GRIN2A: variants seen among roughly 807,000 people sequenced by gnomAD.
GRIN2A encodes glutamate receptor ionotropic, NMDA 2A.
In GRIN2A, 22 loss-of-function variants were observed where a neutral mutation model predicts 113.4. The ratio of observed to expected loss-of-function variants is 0.19; its 90% CI spans 0.14 to 0.28. The LOEUF (loss-of-function observed/expected upper bound fraction) is 0.28, where lower values mean the gene tolerates loss of function less well. Ranked by LOEUF, GRIN2A falls within the 10% of genes least tolerant of loss-of-function variation. The pLI, the probability that GRIN2A is intolerant of heterozygous loss-of-function variation, is 1.00. For missense variants in GRIN2A, 1,502 were observed against 1,887.0 expected (o/e 0.80, Z 3.78); for synonymous variants, 827 against 738.4 (o/e 1.12, Z -1.94).
intron 2 of GRIN2A, among the ~76,000 whole-genome samples, chr16:10,074,593 C>T (rs1362997992): frequency 1.3e-5 from 2 of 152,148 alleles, no homozygotes; most frequent in Non-Finnish European, 2.9e-5. Context: ...CATGGATGGG[C>T]ATTGAAGACA....
Position 9,990,563 on chromosome 16 carries a change from GCACACACACACA to G in GRIN2A, c.415-52024_415-52013del, listed in dbSNP as rs71157799. Among the ~76,000 whole-genome samples the G allele has an allele frequency of 1.9e-3, 237 of 124,480 alleles. 1 individual carries two copies. The highest frequency in any genetic ancestry group is 6.0e-3 in the Admixed American group (78 of 13,054). The allele number at this position is 124,480 out of a possible 152,430, so 81.7% of individuals were successfully genotyped here. A position where few individuals can be genotyped will look rare whatever the true frequency, so the allele number is the denominator to read the frequency against. On this transcript the variant is annotated intron_variant, in intron 2 of 12. Coordinates refer to ENST00000330684, the MANE Select transcript of GRIN2A (RefSeq NM_001134407.3). ...TCTCTACACGCGCGCGCGCGCGCGCGCACACACACACACACACACACACACACACACACACGG... is the reference window on the plus strand; with the variant it reads ...TCTCTACACGCGCGCGCGCGCGCGCGCACACACACACACACACACACACGG...
intron 2 of GRIN2A, among the ~76,000 whole-genome samples, chr16:9,981,304 T>A (rs146897620): frequency 1.0e-3 from 153 of 152,372 alleles, no homozygotes; most frequent in African/African-American, 3.6e-3. Context: ...GATGTTTACC[T>A]ATCTGCAAAG....
intron 11 of GRIN2A, among the ~76,000 whole-genome samples, chr16:9,792,208 A>G (rs1596412036): frequency 1.3e-5 from 2 of 151,892 alleles, no homozygotes; most frequent in South Asian, 4.2e-4. Context: ...ACATTGGTTG[A>G]GTTGGTCACT....
At chr16:10,006,976 T>A (rs2141856731) in intron 2 of GRIN2A, among the ~76,000 whole-genome samples, 1 of 152,384 alleles carries the variant, frequency 6.6e-6, no homozygotes, top group East Asian at 1.9e-4. Flanking sequence ...ATTCTTTTTA[T>A]GGCTAAATAG....
At chr16:9,931,074 C>G (rs1445175458) in intron 3 of GRIN2A, among the ~76,000 whole-genome samples, 2 of 152,144 alleles carry the variant, frequency 1.3e-5, no homozygotes, top group African/African-American at 4.8e-5. Flanking sequence ...ATTCATAACT[C>G]TCCTGGGATA....
chr16:9,910,034 A>G (rs1053312684), intron 3 of GRIN2A, among the ~76,000 whole-genome samples: 2 of 152,228 alleles, frequency 1.3e-5, no homozygotes, highest in Admixed American at 1.3e-4. Flanking sequence ...GTTGGAAAAC[A>G]TATTTCATTC....
chr16:9,797,185 A>T (rs1329266661), intron 11 of GRIN2A, among the ~76,000 whole-genome samples: 1 of 152,240 alleles, frequency 6.6e-6, no homozygotes, highest in African/African-American at 2.4e-5. Context: ...GCCTGGCATA[A>T]CACGTTCTGT....
chr16:9,780,051 ACACAGC>A (rs1901851161), intron 11 of GRIN2A, among the ~76,000 whole-genome samples: 1 of 152,230 alleles, frequency 6.6e-6, no homozygotes, highest in Non-Finnish European at 1.5e-5. Flanking sequence ...ACAGCCAACC[ACACAGC>A]CACTGATGAA....
intron 10 of GRIN2A, among the ~76,000 whole-genome samples, chr16:9,810,257 C>A (rs2042061086): frequency 6.6e-6 from 1 of 152,130 alleles, no homozygotes; most frequent in African/African-American, 2.4e-5. Flanking sequence ...CTCCCCACAG[C>A]ACACCCAGAT....
chr16:9,988,278 T>TGC (rs1555461865), intron 2 of GRIN2A, among the ~76,000 whole-genome samples: 1 of 111,158 alleles, frequency 9.0e-6, no homozygotes, highest in Non-Finnish European at 2.0e-5. Context: ...GGTGTGTGTG[T>TGC]GTGTGCGTGT....
chr16:10,173,991 A>G (rs955482959), intron 2 of GRIN2A, among the ~76,000 whole-genome samples: 7 of 152,240 alleles, frequency 4.6e-5, no homozygotes, highest in African/African-American at 1.2e-4. Context: ...ATAAGAAAAG[A>G]GAATCACAGA....
chr16:9,943,650 C>A (rs1400004906), intron 2 of GRIN2A, among the ~76,000 whole-genome samples: 1 of 152,172 alleles, frequency 6.6e-6, no homozygotes, highest in African/African-American at 2.4e-5. Flanking sequence ...TGGCATTTCT[C>A]CTAAAGACAC....
At chr16:10,114,308 G>GTTTCCA (rs2048685795) in intron 2 of GRIN2A, among the ~76,000 whole-genome samples, 1 of 152,200 alleles carries the variant, frequency 6.6e-6, no homozygotes, top group Non-Finnish European at 1.5e-5. Flanking sequence ...CCCCACAGGG[G>GTTTCCA]AGCCTGCTTG....
At chr16:9,941,347 C>T (rs1217025076) in intron 2 of GRIN2A, among the ~76,000 whole-genome samples, 1 of 152,190 alleles carries the variant, frequency 6.6e-6, no homozygotes, top group Non-Finnish European at 1.5e-5. Context: ...GCTGTAAGCA[C>T]ACGCATCTTA....
intron 2 of GRIN2A, among the ~76,000 whole-genome samples, chr16:10,151,988 G>C (rs1307693341): frequency 3.3e-5 from 5 of 152,198 alleles, no homozygotes; most frequent in Admixed American, 2.6e-4. Flanking sequence ...TGCTGACTTA[G>C]CACCATGTCT....
At chr16:10,026,367 C>T (rs185640371) in intron 2 of GRIN2A, among the ~76,000 whole-genome samples, 17 of 152,230 alleles carry the variant, frequency 1.1e-4, no homozygotes, top group Admixed American at 9.8e-4. Flanking sequence ...CCAGCATGTA[C>T]AGGGAATCTA....
chr16:10,091,933 T>C (rs1159389701), intron 2 of GRIN2A, among the ~76,000 whole-genome samples: 2 of 152,208 alleles, frequency 1.3e-5, no homozygotes, highest in African/African-American at 2.4e-5. Flanking sequence ...TAAAATTTAT[T>C]TGGGGTGATG....
chr16:9,944,465 C>A (rs57576479), intron 2 of GRIN2A, among the ~76,000 whole-genome samples: 13,884 of 152,174 alleles, frequency 0.091, 724 homozygotes, highest in African/African-American at 0.11. Flanking sequence ...ATCATCACAT[C>A]CATCCTCCTC....
At chr16:9,972,766 C>G (rs1395857095) in intron 2 of GRIN2A, among the ~76,000 whole-genome samples, 2 of 152,162 alleles carry the variant, frequency 1.3e-5, no homozygotes, top group Non-Finnish European at 1.5e-5. Context: ...TAAAGTGTAA[C>G]CACCCAAGAT....
Sources: gnomAD v4.1 joint callset for allele counts (sites outside exome capture counted in the v4.1 genomes callset) on GRCh38, gnomAD v4.1.1 for gene constraint, MANE v1.5 for transcripts, NCBI Gene and HGNC (gene_info 2026-07-23, HGNC 2026-07-21) for gene names.